SPMIP3: variants seen among roughly 807,000 people sequenced by gnomAD.
SPMIP3 encodes the protein sperm microtubule inner protein 3.
chr1:244,384,713 T>C, the SPMIP3 span, among the ~76,000 whole-genome samples: 1 of 152,134 alleles, frequency 6.6e-6, no homozygotes, highest in African/African-American at 2.4e-5. Context: ...TGATGGGTGT[T>C]GGCAGTAGAT....
the SPMIP3 span, among the ~76,000 whole-genome samples, chr1:244,361,527 C>T: frequency 6.6e-6 from 1 of 152,032 alleles, no homozygotes; most frequent in Non-Finnish European, 1.5e-5. Flanking sequence ...CCGCGCCCGG[C>T]CTGTTCTACA....
chr1:244,384,178 A>C, the SPMIP3 span, among the ~76,000 whole-genome samples: 1 of 152,164 alleles, frequency 6.6e-6, no homozygotes, highest in African/African-American at 2.4e-5. Flanking sequence ...GAATGTGGAG[A>C]GTCAGGAGGA....
At chr1:244,380,399 C>T in the SPMIP3 span, among the ~76,000 whole-genome samples, 35 of 152,086 alleles carry the variant, frequency 2.3e-4, no homozygotes, top group Non-Finnish European at 4.1e-4. Flanking sequence ...GGATTACAGG[C>T]GTGAGCCACT....
the SPMIP3 span, among the ~76,000 whole-genome samples, chr1:244,361,232 TTTC>T: frequency 3.3e-5 from 3 of 91,772 alleles, no homozygotes. Flanking sequence ...TTTTTCTTTC[TTTC>T]TTTTTTTTTT....
At chr1:244,377,993 G>A in the SPMIP3 span, among the ~76,000 whole-genome samples, 1 of 151,996 alleles carries the variant, frequency 6.6e-6, no homozygotes, top group Non-Finnish European at 1.5e-5. Context: ...TTTTTGTAGA[G>A]ATGGGTTTTC....
At chr1:244,361,089 C>T in the SPMIP3 span, among the ~76,000 whole-genome samples, 1 of 151,586 alleles carries the variant, frequency 6.6e-6, no homozygotes, top group African/African-American at 2.4e-5. Context: ...TTAGCAGAGG[C>T]TGGGAAGGGG....
chr1:244,373,680 T>C, the SPMIP3 span, among the ~76,000 whole-genome samples: 7 of 151,910 alleles, frequency 4.6e-5, no homozygotes, highest in East Asian at 9.8e-4. Context: ...TTTAAAAATA[T>C]TAGGTTGGTG....
chr1:244,379,244 T>A, the SPMIP3 span, among the ~76,000 whole-genome samples: 5 of 151,002 alleles, frequency 3.3e-5, no homozygotes, highest in African/African-American at 7.3e-5. Context: ...TTTTTTTTTT[T>A]AAATTAGAGA....
the SPMIP3 span, among the ~76,000 whole-genome samples, chr1:244,366,334 T>A: frequency 0.36 from 54,269 of 151,952 alleles, 11,358 homozygotes; most frequent in Middle Eastern, 0.5. Flanking sequence ...GCCTGGCTAA[T>A]TTTTAAATTT....
At chr1:244,375,625 TA>T in the SPMIP3 span, 3 of 509,956 alleles carry the variant, frequency 5.9e-6, no homozygotes, top group Non-Finnish European at 1.0e-5. Flanking sequence ...ACCAAACTGT[TA>T]ATGTTTTTTT....
the SPMIP3 span, among the ~76,000 whole-genome samples, chr1:244,362,843 CTTT>C: frequency 8.5e-6 from 1 of 117,546 alleles, no homozygotes. Flanking sequence ...TCCCTGTGAA[CTTT>C]TTTTTTTTTT....
chr1:244,366,783 G>GGCAGGAGAATCGCTTGAAC, the SPMIP3 span, among the ~76,000 whole-genome samples: 1 of 152,156 alleles, frequency 6.6e-6, no homozygotes, highest in African/African-American at 2.4e-5. Context: ...GGGAAGCTGA[G>GGCAGGAGAATCGCTTGAAC]GCAGGAGAAT....
At chr1:244,380,456 G>A in the SPMIP3 span, among the ~76,000 whole-genome samples, 2 of 152,152 alleles carry the variant, frequency 1.3e-5, no homozygotes, top group Admixed American at 1.3e-4. Flanking sequence ...CAATATTTTG[G>A]AGGCTCTTAC....
chr1:244,382,279 G>T, the SPMIP3 span, among the ~76,000 whole-genome samples: 33 of 152,128 alleles, frequency 2.2e-4, no homozygotes, highest in East Asian at 6.4e-3. Context: ...AGGGAGATGA[G>T]GATAGCTAAA....
the SPMIP3 span, among the ~76,000 whole-genome samples, chr1:244,373,111 C>T: frequency 4.6e-5 from 7 of 151,606 alleles, no homozygotes; most frequent in South Asian, 6.3e-4. Context: ...CTGGGTGCAG[C>T]GGCTCGCACC....
chr1:244,383,160 C>T, the SPMIP3 span, among the ~76,000 whole-genome samples: 1 of 152,138 alleles, frequency 6.6e-6, no homozygotes, highest in Admixed American at 6.6e-5. Flanking sequence ...AAGTGCCAGT[C>T]AATGTGACAG....
At chr1:244,373,332 TTA>T in the SPMIP3 span, among the ~76,000 whole-genome samples, 4,540 of 85,144 alleles carry the variant, frequency 0.053, 769 homozygotes, top group African/African-American at 0.17. Context: ...CAAAAAAAAA[TTA>T]TATATATATA....
the SPMIP3 span, among the ~76,000 whole-genome samples, chr1:244,353,162 A>G: frequency 6.6e-6 from 1 of 152,220 alleles, no homozygotes; most frequent in Non-Finnish European, 1.5e-5. Flanking sequence ...GGAGAAGGAC[A>G]AAGAGAGTGA....
chr1:244,384,205 GT>G, the SPMIP3 span, among the ~76,000 whole-genome samples: 1 of 152,020 alleles, frequency 6.6e-6, no homozygotes. Context: ...AGTGGTTAAA[GT>G]TTTTTTCTTT....
Sources: gnomAD v4.1 joint callset for allele counts (sites outside exome capture counted in the v4.1 genomes callset) on GRCh38, gnomAD v4.1.1 for gene constraint, MANE v1.5 for transcripts, NCBI Gene and HGNC (gene_info 2026-07-23, HGNC 2026-07-21) for gene names.